NETO1: variants seen among roughly 807,000 people sequenced by gnomAD.
The protein encoded by NETO1 is neuropilin and tolloid-like protein 1.
A neutral mutation model predicts 61.3 loss-of-function variants in NETO1; 26 were observed. The ratio of observed to expected loss-of-function variants is 0.42; its 90% CI spans 0.31 to 0.59. The LOEUF (loss-of-function observed/expected upper bound fraction) is 0.59, where lower values mean the gene tolerates loss of function less well. Among genes scored for constraint, NETO1 ranks in the 20% least tolerant of loss-of-function variants. The pLI is 0.12. For synonymous variants in NETO1, 225 were observed against 225.8 expected (o/e 1.00, Z 0.03); for missense variants, 531 against 662.8 (o/e 0.80, Z 2.18).
chr18:72,859,940 A>AG (rs397738107), intron 3 of NETO1, among the ~76,000 whole-genome samples: 2 of 151,438 alleles, frequency 1.3e-5, no homozygotes, highest in Non-Finnish European at 2.9e-5. Flanking sequence ...AAAAAAAAAA[A>AG]GTCTTTCAGT....
intron 6 of NETO1, among the ~76,000 whole-genome samples, chr18:72,784,968 A>G (rs1216743415): frequency 6.6e-6 from 1 of 152,208 alleles, no homozygotes; most frequent in African/African-American, 2.4e-5. Context: ...AATGTCAAAG[A>G]GTGGAAATTA....
rs1477344347 is a variant in NETO1, at chr18:72,760,319, A to G, written c.869-4172T>C. Among the ~76,000 whole-genome samples the G allele has an allele frequency of 2.6e-5, 4 of 152,348 alleles. No individual in the cohort carries two copies. The South Asian group carries it at 8.3e-4, about 32-fold the overall frequency. ...TTTCTTCACTGTTTCCTCCTCCCACATACACCAATACATATGCATTTGTGC... is the reference window on the plus strand; with the variant it reads ...TTTCTTCACTGTTTCCTCCTCCCACGTACACCAATACATATGCATTTGTGC... On this transcript the variant is annotated intron_variant, in intron 7 of 10. Transcript: ENST00000327305.
At chr18:72,860,756 G>T (rs1275130296) in intron 3 of NETO1, among the ~76,000 whole-genome samples, 2 of 149,736 alleles carry the variant, frequency 1.3e-5, no homozygotes, top group African/African-American at 2.5e-5. Context: ...CTTTTTTTTG[G>T]AAATTTGAAA....
chr18:72,743,090 G>A (rs2070367319), downstream of NETO1, among the ~76,000 whole-genome samples: 1 of 152,164 alleles, frequency 6.6e-6, no homozygotes, highest in South Asian at 2.1e-4. Flanking sequence ...GAAATCTTAA[G>A]TTCCATTCTG....
At chr18:72,866,480 G>C (rs1311183465) in intron 1 of NETO1, among the ~76,000 whole-genome samples, 1 of 151,990 alleles carries the variant, frequency 6.6e-6, no homozygotes, top group African/African-American at 2.4e-5. Flanking sequence ...AGAACACACA[G>C]GTATGCACAT....
chr18:72,787,393 C>T (rs1370052440), intron 6 of NETO1, among the ~76,000 whole-genome samples: 1 of 151,778 alleles, frequency 6.6e-6, no homozygotes, highest in Non-Finnish European at 1.5e-5. Flanking sequence ...AAACCAAGTA[C>T]TAAGCCCACG....
chr18:72,762,403 G>C (rs927214149), intron 7 of NETO1, among the ~76,000 whole-genome samples: 1 of 152,074 alleles, frequency 6.6e-6, no homozygotes, highest in African/African-American at 2.4e-5. Context: ...AAATGCAAAA[G>C]CCAAAATGTT....
At chr18:72,776,312 C>A (rs2071545496) in intron 7 of NETO1, among the ~76,000 whole-genome samples, 2 of 152,186 alleles carry the variant, frequency 1.3e-5, no homozygotes, top group Admixed American at 1.3e-4. Flanking sequence ...ATTACCAGAA[C>A]AACATCAAGC....
intron 8 of NETO1, among the ~76,000 whole-genome samples, chr18:72,753,345 T>C (rs1013298797): frequency 3.3e-5 from 5 of 149,814 alleles, no homozygotes; most frequent in South Asian, 2.1e-4. Context: ...GAAGGCAACA[T>C]GATGACACAT....
intron 4 of NETO1, among the ~76,000 whole-genome samples, chr18:72,849,944 C>T (rs530484328): frequency 6.6e-6 from 1 of 152,360 alleles, no homozygotes; most frequent in South Asian, 2.1e-4. Context: ...ATCACCCGAT[C>T]CTGACCCTAC....
At position 72,830,236 on chromosome 18, in the gene NETO1, G is replaced by A. The variant is rs1454795045; in HGVS notation, c.469+28590C>T. 6.6e-6 allele frequency among the ~76,000 whole-genome samples: 1 copy of A among 152,188 alleles called. No individual in the cohort carries two copies. Among genetic ancestry groups the A allele is most frequent in the East Asian group, 1.9e-4 (1 of 5,186 alleles). On this transcript the variant is annotated intron_variant, in intron 4 of 10. Coordinates refer to ENST00000327305, the MANE Select transcript of NETO1 (RefSeq NM_138966.5). The surrounding 1 kb of genome is among the most constrained non-coding windows in gnomAD (Gnocchi z 4.9). ...GCAGCCCTCCCAAGAGACGGGAACA[G>A]CAGTGCTATCTTGGTGCCGGCTTGC...
In NETO1 at chr18:72,864,937, T is replaced by A; in HGVS notation, c.91A>T (p.Thr31Ser). Residue 31 changes from threonine to serine, a missense_variant, in exon 3 of 11, where the codon ACC becomes TCC. Transcript: ENST00000327305. ...GATKKGTEKQTTSETQKSVQC... is the reference protein window; with the variant it reads ...GATKKGTEKQSTSETQKSVQC... Reference sequence around the variant, plus strand: ...ACTGACTTCTGTGTTTCTGAGGTGGTTTGCTTTTCTGTTAAAAAAAAAAAA... The same window carrying A: ...ACTGACTTCTGTGTTTCTGAGGTGGATTGCTTTTCTGTTAAAAAAAAAAAA... 1 of 1,576,824 alleles carries A rather than the reference T, an allele frequency of 6.3e-7. No individual in the cohort carries two copies. The highest frequency in any genetic ancestry group is 8.5e-7 in the Non-Finnish European group (1 of 1,170,614).
chr18:72,793,017 T>C (rs918774874), intron 6 of NETO1, among the ~76,000 whole-genome samples: 1 of 152,174 alleles, frequency 6.6e-6, no homozygotes, highest in African/African-American at 2.4e-5. Flanking sequence ...TCTCTCTCTG[T>C]TATACCTTAC....
rs564234591 is a variant in NETO1 at position 72,844,615 on chromosome 18, G to C, written c.469+14211C>G. Among the ~76,000 whole-genome samples, 11 of 152,196 alleles carry C rather than the reference G, an allele frequency of 7.2e-5. No homozygotes were observed. The East Asian group carries it at 7.7e-4, about 11-fold the overall frequency. The stretch of plus-strand genomic sequence containing the variant: ...ATGAACAGATTTTTTCGTATCTGGC[G>C]TCTCACTCATTCTACATGCTTTATT... On this transcript the variant is annotated intron_variant, in intron 4 of 10. Transcript: ENST00000327305.
chr18:72,796,047 G>T (rs1422731413), intron 4 of NETO1, among the ~76,000 whole-genome samples: 1 of 152,172 alleles, frequency 6.6e-6, no homozygotes, highest in Non-Finnish European at 1.5e-5. Context: ...GGCATCAGCT[G>T]TAAGTTACAA....
At chr18:72,790,814 GTTTA>G (rs1262885954) in intron 6 of NETO1, among the ~76,000 whole-genome samples, 20 of 152,018 alleles carry the variant, frequency 1.3e-4, no homozygotes, top group Admixed American at 1.3e-3. Flanking sequence ...GAAATAATCC[GTTTA>G]TTTATTCCAT....
intron 4 of NETO1, among the ~76,000 whole-genome samples, chr18:72,810,772 G>C: frequency 6.6e-6 from 1 of 152,128 alleles, no homozygotes; most frequent in East Asian, 1.9e-4. Context: ...TCATTAAGAG[G>C]TGAGAAAAAT....
chr18:72,819,982 T>A (rs1038658280), intron 4 of NETO1, among the ~76,000 whole-genome samples: 2 of 152,182 alleles, frequency 1.3e-5, no homozygotes, highest in Non-Finnish European at 2.9e-5. Context: ...GAGAGATGCA[T>A]GCAATGAAAA....
At chr18:72,825,211 G>A (rs921113948) in intron 4 of NETO1, among the ~76,000 whole-genome samples, 25 of 152,198 alleles carry the variant, frequency 1.6e-4, no homozygotes, top group African/African-American at 6.0e-4. Flanking sequence ...GTACATCTCA[G>A]AGCCCTAACC....
Sources: allele counts gnomAD v4.1 joint callset (sites outside exome capture counted in the v4.1 genomes callset), GRCh38; gene constraint gnomAD v4.1.1; non-coding constraint Gnocchi (gnomAD v3.1); transcripts MANE v1.5; gene names NCBI Gene and HGNC (gene_info 2026-07-23, HGNC 2026-07-21).